Variants in GLIS3 observed in about 807,000 individuals in gnomAD.
GLIS3 encodes GLIS family zinc finger 3, also known as zinc finger protein GLIS3.
A neutral mutation model predicts 78.6 loss-of-function variants in GLIS3; 53 were observed. The ratio of observed to expected loss-of-function variants is 0.67; its 90% CI spans 0.54 to 0.85. GLIS3 has a LOEUF of 0.85. Ranked by LOEUF, GLIS3 falls within the 40% of genes least tolerant of loss-of-function variation. The pLI, the probability that GLIS3 is intolerant of heterozygous loss-of-function variation, is 0.00. For synonymous variants in GLIS3, 684 were observed against 509.9 expected (o/e 1.34, Z -4.60); for missense variants, 1,703 against 1,231.1 (o/e 1.38, Z -5.74).
intron 2 of GLIS3, among the ~76,000 whole-genome samples, chr9:4,222,167 A>G (rs1821382257): frequency 1.3e-5 from 2 of 152,210 alleles, no homozygotes; most frequent in African/African-American, 4.8e-5. Flanking sequence ...TGAGTGTTCC[A>G]TCACTTTGTA....
At chr9:4,172,504 T>G (rs1471975269) in intron 2 of GLIS3, among the ~76,000 whole-genome samples, 1 of 152,176 alleles carries the variant, frequency 6.6e-6, no homozygotes, top group Non-Finnish European at 1.5e-5. Flanking sequence ...AAAGTCCACT[T>G]TTATATAGGG....
intron 4 of GLIS3, among the ~76,000 whole-genome samples, chr9:3,953,795 C>CTCTCTATATATATATATATATATA (rs1403671770): frequency 1.4e-5 from 1 of 73,342 alleles, no homozygotes; most frequent in African/African-American, 5.7e-5. Context: ...CTCTCTCTCT[C>CTCTCTATATATATATATATATATA]TATATATATA....
chr9:4,235,727 C>A (rs1309223531), intron 2 of GLIS3, among the ~76,000 whole-genome samples: 1 of 152,130 alleles, frequency 6.6e-6, no homozygotes, highest in African/African-American at 2.4e-5. Flanking sequence ...AAAAAAAAAT[C>A]TGTTATCTTG....
At chr9:4,160,159 T>G (rs112617020) in intron 2 of GLIS3, among the ~76,000 whole-genome samples, 1 of 152,186 alleles carries the variant, frequency 6.6e-6, no homozygotes, top group African/African-American at 2.4e-5. Context: ...ATTGGTCTAT[T>G]TTGCCTCCGC....
chr9:4,318,854 T>G (rs552957528), intron 2 of GLIS3, among the ~76,000 whole-genome samples: 54 of 152,322 alleles, frequency 3.5e-4, no homozygotes, highest in African/African-American at 1.3e-3. Flanking sequence ...ACAGATTACT[T>G]GCTGATTGCA....
At chr9:4,485,733 T>TA in the GLIS3 span, among the ~76,000 whole-genome samples, 1 of 151,648 alleles carries the variant, frequency 6.6e-6, no homozygotes, top group African/African-American at 2.4e-5. Context: ...TTTTTTTTTT[T>TA]GAGACGGAGT....
chr9:4,416,188 G>C, the GLIS3 span, among the ~76,000 whole-genome samples: 1 of 137,210 alleles, frequency 7.3e-6, no homozygotes, highest in African/African-American at 2.7e-5. Flanking sequence ...GGAGGTTGAG[G>C]CAGCAGTGAG....
intron 8 of GLIS3, among the ~76,000 whole-genome samples, chr9:3,860,478 G>C (rs924364519): frequency 7.9e-5 from 12 of 152,046 alleles, no homozygotes; most frequent in Non-Finnish European, 1.5e-4. Flanking sequence ...CCCCAGCCAT[G>C]CAGTGGGGTG....
intron 4 of GLIS3, among the ~76,000 whole-genome samples, chr9:4,050,303 T>C (rs1218988529): frequency 2.6e-5 from 4 of 152,122 alleles, no homozygotes; most frequent in South Asian, 2.1e-4. Flanking sequence ...TGCAGGGACA[T>C]GGATGAAGCT....
At chr9:4,454,711 G>C in the GLIS3 span, among the ~76,000 whole-genome samples, 5 of 152,078 alleles carry the variant, frequency 3.3e-5, no homozygotes, top group African/African-American at 4.8e-5. Context: ...GCCCTCTTCT[G>C]GTCTATGGGT....
intron 6 of GLIS3, among the ~76,000 whole-genome samples, chr9:3,909,803 A>G (rs543563): frequency 0.75 from 114,370 of 152,214 alleles, 43,282 homozygotes; most frequent in Non-Finnish European, 0.79. Context: ...ACTCTGTAGC[A>G]ACACTATCCA....
At chr9:3,943,700 C>T (rs145941789) in intron 4 of GLIS3, among the ~76,000 whole-genome samples, 8 of 152,280 alleles carry the variant, frequency 5.3e-5, no homozygotes, top group African/African-American at 1.7e-4. Flanking sequence ...GTTTCCCCGA[C>T]CCTGGGTTTA....
rs1240792841 is a variant in GLIS3 at position 4,118,879 on chromosome 9, G to C, written c.599C>G (p.Ser200Cys). The C allele has an allele frequency of 4.4e-6, 7 of 1,600,908 alleles. No homozygotes were observed. The East Asian group carries it at 1.6e-4, about 36-fold the overall frequency. Residue 200 changes from serine to cysteine, a missense_variant and splice_region_variant, in exon 4 of 11, where the codon TCC becomes TGC. By Grantham distance (112) the Ser-to-Cys change is moderately radical. Transcript: ENST00000381971. This position sits in a 1 kb window ranked among gnomAD's most constrained non-coding sequence, Gnocchi z 4.7. ...CGCCAAAGACTCACGCGAAATAAGG[G>C]ACCTGGAACAGCAGCCAGAAAGGAA... ...NLNIPPSDTR[S>C]LISRESLAST...
chr9:4,320,920 GTC>G (rs1357039722), intron 2 of GLIS3, among the ~76,000 whole-genome samples: 1 of 152,042 alleles, frequency 6.6e-6, no homozygotes, highest in Non-Finnish European at 1.5e-5. Context: ...AGTTTTGAAA[GTC>G]TGTCTCCTGC....
intron 4 of GLIS3, among the ~76,000 whole-genome samples, chr9:3,959,302 G>A (rs1170443050): frequency 6.6e-6 from 1 of 152,190 alleles, no homozygotes; most frequent in African/African-American, 2.4e-5. Context: ...GCTCTCACCA[G>A]ACACTGCATT....
intron 2 of GLIS3, among the ~76,000 whole-genome samples, chr9:4,277,103 G>A (rs977028948): frequency 1.2e-4 from 19 of 152,182 alleles, no homozygotes; most frequent in Admixed American, 6.6e-5. Flanking sequence ...CAAAATTGCG[G>A]GACCCCAATC....
At position 4,125,602 on chromosome 9, in the gene GLIS3, TGA is replaced by T. The variant is rs1281537753; in HGVS notation, c.596+130_596+131del. ...ACATATTCCCCTACAAACCTCAAAT[TGA>T]GAGAGTTGCTTGAGTGTGTAAGTGT... On this transcript the variant is annotated intron_variant, in intron 3 of 10. Coordinates refer to ENST00000381971, the MANE Select transcript of GLIS3 (RefSeq NM_001042413.2). The T allele has an allele frequency of 9.3e-6, 7 of 755,054 alleles. No individual in the cohort carries two copies. In the East Asian group the frequency reaches 1.0e-4, roughly 11 times the overall value. The allele number at this position is 755,054 out of a possible 1,614,324, so 46.8% of individuals were successfully genotyped here.
intron 2 of GLIS3, among the ~76,000 whole-genome samples, chr9:4,146,287 G>T (rs753954342): frequency 6.6e-6 from 1 of 152,102 alleles, no homozygotes; most frequent in Non-Finnish European, 1.5e-5. Context: ...ATTTGAAACC[G>T]TTGAATATCT....
At chr9:4,206,795 T>A (rs1385010059) in intron 2 of GLIS3, among the ~76,000 whole-genome samples, 1 of 151,810 alleles carries the variant, frequency 6.6e-6, no homozygotes, top group Non-Finnish European at 1.5e-5. Flanking sequence ...CTGAACTGTT[T>A]AACTGTTTAT....
Sources: allele counts gnomAD v4.1 joint callset (sites outside exome capture counted in the v4.1 genomes callset), GRCh38; gene constraint gnomAD v4.1.1; non-coding constraint Gnocchi (gnomAD v3.1); transcripts MANE v1.5; gene names NCBI Gene and HGNC (gene_info 2026-07-23, HGNC 2026-07-21).